The following R3HDM1 variants were observed in gnomAD, a reference collection of about 807,000 sequenced individuals.
R3HDM1 encodes the protein R3H domain containing 1.
Under a neutral mutation model 141.1 loss-of-function variants are expected in R3HDM1, and 46 were observed. That is an observed-to-expected ratio of 0.33 (90% CI 0.26 to 0.42). The LOEUF (loss-of-function observed/expected upper bound fraction) is 0.42. R3HDM1 is among the 10% of genes least tolerant of loss of function. The pLI, the probability that R3HDM1 is intolerant of heterozygous loss-of-function variation, is 1.00. For synonymous variants in R3HDM1, 435 were observed against 472.9 expected (o/e 0.92, Z 1.04); for missense variants, 1,184 against 1,368.3 (o/e 0.87, Z 2.12).
intron 14 of R3HDM1, 28 bp downstream of exon 14, chr2:135,639,150 G>A (rs1360527256): frequency 6.3e-7 from 1 of 1,595,494 alleles, no homozygotes; most frequent in South Asian, 1.1e-5. Flanking sequence ...AAACTGTGCA[G>A]TCAAGTCATT....
intron 1 of R3HDM1, among the ~76,000 whole-genome samples, chr2:135,594,429 A>G (rs112007220): frequency 2.0e-4 from 30 of 152,170 alleles, no homozygotes; most frequent in Non-Finnish European, 3.8e-4. Context: ...ACTCATTACA[A>G]TGCCCTCAGT....
intron 1 of R3HDM1, among the ~76,000 whole-genome samples, chr2:135,559,752 T>C (rs892572487): frequency 1.6e-4 from 25 of 152,240 alleles, no homozygotes; most frequent in African/African-American, 5.8e-4. Context: ...TTGAAGGAAC[T>C]GTCTATCTCC....
At chr2:135,556,025 G>C (rs1030875340) in intron 1 of R3HDM1, among the ~76,000 whole-genome samples, 1 of 152,036 alleles carries the variant, frequency 6.6e-6, no homozygotes, top group Non-Finnish European at 1.5e-5. Context: ...CAAGTGGGGG[G>C]ATGGGGGGAG....
intron 1 of R3HDM1, among the ~76,000 whole-genome samples, chr2:135,546,916 C>T (rs1671599403): frequency 6.6e-6 from 1 of 152,144 alleles, no homozygotes; most frequent in African/African-American, 2.4e-5. Context: ...AAGTGATCTG[C>T]CTGCCTTAGC....
At chr2:135,670,055 A>G (rs1574888847) in intron 19 of R3HDM1, among the ~76,000 whole-genome samples, 1 of 146,104 alleles carries the variant, frequency 6.8e-6, no homozygotes, top group Admixed American at 7.1e-5. Flanking sequence ...ACTTGAACCC[A>G]GGGGGTTGAG....
chr2:135,554,275 G>T (rs1700326777), intron 1 of R3HDM1, among the ~76,000 whole-genome samples: 1 of 152,172 alleles, frequency 6.6e-6, no homozygotes, highest in Non-Finnish European at 1.5e-5. Flanking sequence ...ATAGTATGTG[G>T]TCTTTTGCAA....
At chr2:135,570,025 C>G (rs1027474183) in intron 1 of R3HDM1, among the ~76,000 whole-genome samples, 1 of 152,120 alleles carries the variant, frequency 6.6e-6, no homozygotes, top group African/African-American at 2.4e-5. Context: ...CATGCCCGGC[C>G]AGTAAGCTCT....
intron 6 of R3HDM1, chr2:135,622,283 T>C: frequency 1.0e-6 from 1 of 984,708 alleles, no homozygotes; most frequent in East Asian, 1.1e-4. Flanking sequence ...CTTAATTTGC[T>C]ACAAATGTAG....
intron 23 of R3HDM1, among the ~76,000 whole-genome samples, chr2:135,712,282 G>C (rs920789013): frequency 6.6e-6 from 1 of 152,050 alleles, no homozygotes; most frequent in Non-Finnish European, 1.5e-5. Context: ...TCATCATTTA[G>C]AGACAGGGTC....
intron 26 of R3HDM1, 69 bp from the exon 27 acceptor site, chr2:135,723,868 C>A: frequency 9.2e-7 from 1 of 1,081,204 alleles, no homozygotes; most frequent in Non-Finnish European, 1.3e-6. Context: ...ATATTTGGGT[C>A]TGCAGTGCTT....
chr2:135,697,595 C>A (rs998885998), intron 21 of R3HDM1, among the ~76,000 whole-genome samples: 1 of 152,184 alleles, frequency 6.6e-6, no homozygotes, highest in Non-Finnish European at 1.5e-5. Flanking sequence ...AGTACAACTA[C>A]TTGTATCCAA....
At chr2:135,562,056 C>T (rs982983998) in intron 1 of R3HDM1, among the ~76,000 whole-genome samples, 3 of 152,082 alleles carry the variant, frequency 2.0e-5, no homozygotes, top group African/African-American at 7.2e-5. Context: ...GTCTAGATAC[C>T]GTTAACACAG....
intron 1 of R3HDM1, among the ~76,000 whole-genome samples, chr2:135,580,851 C>T (rs989254901): frequency 4.6e-5 from 7 of 152,184 alleles, no homozygotes; most frequent in Non-Finnish European, 1.0e-4. Context: ...CTTCCTAATG[C>T]TTTTTGGATC....
chr2:135,684,369 G>T lies in R3HDM1; in HGVS notation c.2459+4045G>T, dbSNP rs76129594. Among the ~76,000 whole-genome samples, 1,702 of 152,268 alleles carry T rather than the reference G, an allele frequency of 0.011. 121 individuals are homozygous for T. The East Asian group carries it at 0.21, about 18-fold the overall frequency. On this transcript the variant is annotated intron_variant, in intron 21 of 26. Transcript: ENST00000683871. ...CTCCCAAAGTGCTGGGATTACAGGC[G>T]TGAGCCACCGCTCCCAGCCGAACAT...
intron 1 of R3HDM1, among the ~76,000 whole-genome samples, chr2:135,600,456 C>T (rs2059537370): frequency 6.6e-6 from 1 of 152,130 alleles, no homozygotes; most frequent in Non-Finnish European, 1.5e-5. Flanking sequence ...GAGGGCCTGC[C>T]CTGGGAGAGA....
chr2:135,626,209 G>GTGCGTGCTTGCTTGCT (rs1553576639), intron 7 of R3HDM1, among the ~76,000 whole-genome samples: 302 of 143,428 alleles, frequency 2.1e-3, no homozygotes, highest in Middle Eastern at 7.0e-3. Context: ...GCGTGCGTGC[G>GTGCGTGCTTGCTTGCT]TGCTTGCTTG....
chr2:135,597,898 T>C (rs945658852), intron 1 of R3HDM1, among the ~76,000 whole-genome samples: 4 of 152,192 alleles, frequency 2.6e-5, no homozygotes, highest in Admixed American at 2.6e-4. Context: ...GTATTTATTG[T>C]TGGGGCTACC....
intron 1 of R3HDM1, among the ~76,000 whole-genome samples, chr2:135,560,875 G>A (rs16831826): frequency 0.055 from 8,423 of 152,156 alleles, 441 homozygotes; most frequent in African/African-American, 0.14. Flanking sequence ...AAGAAGCCAG[G>A]AACCCCAAAC....
intron 7 of R3HDM1, among the ~76,000 whole-genome samples, chr2:135,630,065 A>G (rs1263243172): frequency 6.6e-6 from 1 of 151,480 alleles, no homozygotes; most frequent in Non-Finnish European, 1.5e-5. Flanking sequence ...TTAAAAAAAA[A>G]AAAAACCTTC....
Sources: allele counts gnomAD v4.1 joint callset (sites outside exome capture counted in the v4.1 genomes callset), GRCh38; gene constraint gnomAD v4.1.1; transcripts MANE v1.5; gene names NCBI Gene and HGNC (gene_info 2026-07-23, HGNC 2026-07-21).